The following RAD54L2 variants were observed in gnomAD, a reference collection of about 807,000 sequenced individuals.
The protein encoded by RAD54L2 is RAD54 like 2, also known as helicase ARIP4.
RAD54L2 carries 27 observed loss-of-function variants against 138.4 expected under a neutral mutation model. That is an observed-to-expected ratio of 0.20 (90% CI 0.14 to 0.27). The LOEUF is 0.27. Ranked by LOEUF, RAD54L2 falls within the 10% of genes least tolerant of loss-of-function variation. The pLI, the probability that RAD54L2 is intolerant of heterozygous loss-of-function variation, is 1.00. For missense variants in RAD54L2, 1,396 were observed against 1,890.2 expected (o/e 0.74, Z 4.85); for synonymous variants, 644 against 723.2 (o/e 0.89, Z 1.76).
intron 4 of RAD54L2, among the ~76,000 whole-genome samples, chr3:51,628,775 G>C (rs1321619506): frequency 2.0e-5 from 3 of 151,986 alleles, no homozygotes; most frequent in Non-Finnish European, 2.9e-5. Context: ...GAGTACAGTG[G>C]TGCAGTCTTG....
chr3:51,622,973 G>GT, intron 3 of RAD54L2, among the ~76,000 whole-genome samples: 1 of 152,372 alleles, frequency 6.6e-6, no homozygotes, highest in Non-Finnish European at 1.5e-5. Context: ...TGGATTTGGT[G>GT]TTTTTTCCTC....
rs146406718 is a variant in RAD54L2 at position 51,559,738 on chromosome 3, G to T, written c.-55+18088G>T. Reference sequence around the variant, plus strand: ...ACCAGTTTTATTTGTTTAGGAACCAGATAGTACATATTATGGTGGAAGATG... The same window carrying T: ...ACCAGTTTTATTTGTTTAGGAACCATATAGTACATATTATGGTGGAAGATG... On this transcript the variant is annotated intron_variant, in intron 2 of 22. Coordinates refer to ENST00000684192, the MANE Select transcript of RAD54L2 (RefSeq NM_015106.4). Among the ~76,000 whole-genome samples the T allele has an allele frequency of 2.0e-3, 297 of 152,302 alleles. 3 individuals are homozygous for T. The highest frequency in any genetic ancestry group is 6.4e-3 in the African/African-American group (265 of 41,558).
chr3:51,615,339 T>C (rs1700421629), intron 3 of RAD54L2, among the ~76,000 whole-genome samples: 1 of 152,222 alleles, frequency 6.6e-6, no homozygotes, highest in South Asian at 2.1e-4. Flanking sequence ...TTTAGGCGTC[T>C]TGGCAAATAT....
chr3:51,614,970 A>G (rs1700412231), intron 3 of RAD54L2, among the ~76,000 whole-genome samples: 1 of 150,848 alleles, frequency 6.6e-6, no homozygotes, highest in African/African-American at 2.4e-5. Context: ...GGTGAATTAC[A>G]TTTTGGTTTG....
At chr3:51,553,840 G>T (rs1477622563) in intron 2 of RAD54L2, among the ~76,000 whole-genome samples, 1 of 152,084 alleles carries the variant, frequency 6.6e-6, no homozygotes, top group Non-Finnish European at 1.5e-5. Context: ...TCAGAGGAAA[G>T]AAAAGTTATG....
At chr3:51,648,891 T>C (rs1014829759) in intron 19 of RAD54L2, among the ~76,000 whole-genome samples, 3 of 152,118 alleles carry the variant, frequency 2.0e-5, no homozygotes, top group African/African-American at 7.2e-5. Context: ...AGAGCACCTC[T>C]TCTCCTCCAA....
At chr3:51,648,139 A>G (rs1035481957) in intron 19 of RAD54L2, among the ~76,000 whole-genome samples, 1 of 152,134 alleles carries the variant, frequency 6.6e-6, no homozygotes, top group Non-Finnish European at 1.5e-5. Flanking sequence ...ACACCAGGAG[A>G]TTATATCCCG....
At chr3:51,660,664 C>A (rs1175888735) in intron 22 of RAD54L2, among the ~76,000 whole-genome samples, 2 of 151,026 alleles carry the variant, frequency 1.3e-5, no homozygotes, top group Non-Finnish European at 2.9e-5. Context: ...CTCTGTTGCC[C>A]AGGCTGGAGT....
chr3:51,569,099 T>C (rs971278617), intron 2 of RAD54L2, among the ~76,000 whole-genome samples: 7 of 152,158 alleles, frequency 4.6e-5, no homozygotes, highest in African/African-American at 1.7e-4. Context: ...TCTGCAACAA[T>C]TTGATTGGTT....
chr3:51,551,844 C>T (rs999954260), intron 2 of RAD54L2, among the ~76,000 whole-genome samples: 1 of 150,900 alleles, frequency 6.6e-6, no homozygotes, highest in African/African-American at 2.4e-5. Flanking sequence ...CCTCCATCTC[C>T]TGGGTTCAGA....
At chr3:51,553,405 G>A (rs201902615) in intron 2 of RAD54L2, among the ~76,000 whole-genome samples, 1 of 152,274 alleles carries the variant, frequency 6.6e-6, no homozygotes, top group African/African-American at 2.4e-5. Flanking sequence ...AATAATCATA[G>A]CAGCTCACAT....
In RAD54L2 at chr3:51,645,281, T is replaced by G; in HGVS notation, c.2656+52T>G. The G allele has an allele frequency of 6.6e-7, 1 of 1,504,526 alleles. No individual in the cohort carries two copies. Among genetic ancestry groups the G allele is most frequent in the Non-Finnish European group, 9.1e-7 (1 of 1,097,942 alleles). 93.2% of individuals were successfully genotyped at this position (1,504,526 alleles called of 1,614,324 possible). ...GGCACATCTATACAGGCTACCATCC[T>G]TTTAGTATCAAGGGTGGGAGAGGAG... On this transcript the variant is annotated intron_variant, in intron 17 of 22. Transcript: ENST00000684192. The surrounding 1 kb of genome is among the most constrained non-coding windows in gnomAD (Gnocchi z 6.1).
intron 2 of RAD54L2, among the ~76,000 whole-genome samples, chr3:51,581,145 T>C (rs1699600489): frequency 6.6e-6 from 1 of 152,166 alleles, no homozygotes; most frequent in Admixed American, 6.5e-5. Context: ...TCGCCTAGGC[T>C]GGAGTACAGT....
intron 19 of RAD54L2, among the ~76,000 whole-genome samples, chr3:51,648,576 T>C (rs1701347696): frequency 1.3e-5 from 2 of 152,070 alleles, no homozygotes; most frequent in South Asian, 4.1e-4. Context: ...TACAGCCGGG[T>C]GCCCCTCTGA....
At chr3:51,558,358 A>G (rs1577387272) in intron 2 of RAD54L2, among the ~76,000 whole-genome samples, 1 of 152,122 alleles carries the variant, frequency 6.6e-6, no homozygotes, top group South Asian at 2.1e-4. Flanking sequence ...TTAGAGGAAG[A>G]CTATTTTTTT....
intron 2 of RAD54L2, 105 bp downstream of exon 2, chr3:51,541,755 A>G (rs1698559111): frequency 6.6e-6 from 1 of 152,214 alleles, no homozygotes; most frequent in South Asian, 2.1e-4. Context: ...ATTCTGATCT[A>G]TTAAAATGAA....
intron 9 of RAD54L2, among the ~76,000 whole-genome samples, chr3:51,634,358 ATTTTTTTTTTTTTTTTT>A (rs61565460): frequency 1.1e-5 from 1 of 94,928 alleles, no homozygotes; most frequent in Non-Finnish European, 2.0e-5. Context: ...CCACTGTCTG[ATTTTTTTTTTTTTTTTT>A]TTTTTTTTTT....
At chr3:51,647,380 T>G (rs1490924061) in intron 19 of RAD54L2, among the ~76,000 whole-genome samples, 2 of 152,044 alleles carry the variant, frequency 1.3e-5, no homozygotes, top group African/African-American at 4.8e-5. Flanking sequence ...TTAAAAAAAC[T>G]TTTTTGGCTG....
At chr3:51,571,101 G>A (rs550896904) in intron 2 of RAD54L2, among the ~76,000 whole-genome samples, 2 of 152,320 alleles carry the variant, frequency 1.3e-5, no homozygotes, top group South Asian at 4.1e-4. Context: ...GATTATAGGA[G>A]TAAGCTGCTG....
Sources: gnomAD v4.1 joint callset for allele counts (sites outside exome capture counted in the v4.1 genomes callset) on GRCh38, gnomAD v4.1.1 for gene constraint, Gnocchi (gnomAD v3.1) non-coding constraint, MANE v1.5 for transcripts, NCBI Gene and HGNC (gene_info 2026-07-23, HGNC 2026-07-21) for gene names.